ERC1: variants seen among roughly 807,000 people sequenced by gnomAD.
ERC1 encodes RAB6 interacting protein 2.
ERC1 carries 56 observed loss-of-function variants against 132.0 expected under a neutral mutation model. The observed-to-expected ratio is 0.42, with a 90% confidence interval of 0.34 to 0.53. ERC1 has a LOEUF of 0.53. ERC1 is among the 20% of genes least tolerant of loss of function. The pLI is 0.03. For synonymous variants in ERC1, 478 were observed against 476.1 expected (o/e 1.00, Z -0.05); for missense variants, 1,202 against 1,349.9 (o/e 0.89, Z 1.72).
intron 16 of ERC1, among the ~76,000 whole-genome samples, chr12:1,398,434 A>T (rs1220595922): frequency 1.8e-4 from 28 of 152,260 alleles, no homozygotes; most frequent in Admixed American, 5.2e-4. Context: ...AGAAAAAAAT[A>T]TAAAGTATAA....
intron 1 of ERC1, among the ~76,000 whole-genome samples, chr12:1,001,905 G>A (rs1462675001): frequency 7.2e-6 from 1 of 138,648 alleles, no homozygotes; most frequent in African/African-American, 2.8e-5. Context: ...CTGTTGCCCA[G>A]GCTGGAGTGC....
chr12:1,223,681 G>A (rs1476881255), intron 12 of ERC1, among the ~76,000 whole-genome samples: 7 of 152,190 alleles, frequency 4.6e-5, no homozygotes, highest in Non-Finnish European at 1.0e-4. Context: ...TGCTGGTGGA[G>A]AGAGTTAAAT....
At chr12:1,418,601 TTC>T (rs778422077) in intron 17 of ERC1, among the ~76,000 whole-genome samples, 2 of 41,576 alleles carry the variant, frequency 4.8e-5, no homozygotes, top group African/African-American at 2.2e-4. Context: ...CTTTCTTTCT[TTC>T]TTTCTTTCTT....
rs1488334317 is a variant in ERC1, at chr12:1,028,179, C to T, written c.276C>T (p.Gly92=). ...CACCTAAAAGCACCATGACACTTGG[C>T]CGTTCTGGGGGACGTCTGCCTTACG... The part of the protein sequence containing the change: ...SETPKSTMTL[G]RSGGRLPYGV... Residue 92 remains glycine, a synonymous_variant, in exon 2 of 19, where the codon GGC becomes GGT. Transcript: ENST00000360905. The T allele has an allele frequency of 6.2e-7, 1 of 1,614,186 alleles. No homozygotes were observed. Among genetic ancestry groups the T allele is most frequent in the East Asian group, 2.2e-5 (1 of 44,880 alleles).
intron 18 of ERC1, among the ~76,000 whole-genome samples, chr12:1,467,180 C>T (rs1041278434): frequency 2.0e-5 from 3 of 152,238 alleles, no homozygotes; most frequent in African/African-American, 7.2e-5. Context: ...CGGACACTAA[C>T]ATCTTATTGC....
At chr12:1,476,173 A>G (rs764152687) in intron 18 of ERC1, among the ~76,000 whole-genome samples, 44 of 151,558 alleles carry the variant, frequency 2.9e-4, no homozygotes, top group Non-Finnish European at 4.7e-4. Context: ...GGAGAATGGC[A>G]TGAACCCGGG....
chr12:1,020,907 A>G (rs1399070318), intron 1 of ERC1: 3 of 152,068 alleles, frequency 2.0e-5, no homozygotes, highest in Admixed American at 6.6e-5. Flanking sequence ...AACTACCACA[A>G]ATAATTGTCA....
At chr12:1,356,282 C>T (rs1466631662) in intron 15 of ERC1, among the ~76,000 whole-genome samples, 1 of 147,580 alleles carries the variant, frequency 6.8e-6, no homozygotes, top group African/African-American at 2.5e-5. Flanking sequence ...AAGAAGAGAT[C>T]CAGAGGTCAT....
At chr12:1,025,792 AAG>A (rs1491388380) in intron 1 of ERC1, among the ~76,000 whole-genome samples, 3 of 146,330 alleles carry the variant, frequency 2.1e-5, no homozygotes, top group Non-Finnish European at 1.5e-5. Flanking sequence ...TTAAAAAGGA[AAG>A]TTTTTTTTTT....
At chr12:1,429,503 A>G (rs1475573343) in intron 17 of ERC1, among the ~76,000 whole-genome samples, 1 of 152,180 alleles carries the variant, frequency 6.6e-6, no homozygotes, top group East Asian at 1.9e-4. Context: ...TGAAACTTTT[A>G]TTATTTTGGT....
At chr12:1,452,997 TTC>T (rs1325785311) in intron 18 of ERC1, among the ~76,000 whole-genome samples, 1 of 152,184 alleles carries the variant, frequency 6.6e-6, no homozygotes, top group East Asian at 1.9e-4. Context: ...TGTTTCATGC[TTC>T]TCTCTCAGCT....
At chr12:1,056,159 A>G (rs978833262) in intron 2 of ERC1, among the ~76,000 whole-genome samples, 1 of 151,730 alleles carries the variant, frequency 6.6e-6, no homozygotes, top group African/African-American at 2.4e-5. Flanking sequence ...GATTTTTCTC[A>G]GATTCATAGG....
chr12:1,117,582 C>T (rs1030492855), intron 7 of ERC1, among the ~76,000 whole-genome samples: 2 of 152,142 alleles, frequency 1.3e-5, no homozygotes, highest in African/African-American at 2.4e-5. Flanking sequence ...TCGCGTGATC[C>T]TGGGAACGTA....
At chr12:1,136,673 A>G (rs912900848) in intron 7 of ERC1, among the ~76,000 whole-genome samples, 1 of 152,226 alleles carries the variant, frequency 6.6e-6, no homozygotes, top group Non-Finnish European at 1.5e-5. Flanking sequence ...GCAAGGATTT[A>G]TGATCTACTA....
intron 15 of ERC1, among the ~76,000 whole-genome samples, chr12:1,307,511 C>T (rs1226403325): frequency 6.6e-6 from 1 of 152,192 alleles, no homozygotes; most frequent in Admixed American, 6.5e-5. Flanking sequence ...GCTTGTCCTA[C>T]TACTTTTAGC....
chr12:1,463,836 A>G (rs1592211675), intron 18 of ERC1, among the ~76,000 whole-genome samples: 1 of 152,002 alleles, frequency 6.6e-6, no homozygotes. Flanking sequence ...TAACTTTTTA[A>G]TGCGAAGACA....
chr12:1,357,636 A>T (rs1456958900), intron 15 of ERC1, among the ~76,000 whole-genome samples: 1 of 152,262 alleles, frequency 6.6e-6, no homozygotes, highest in Non-Finnish European at 1.5e-5. Flanking sequence ...TGAAGGGACT[A>T]CATCTTCATA....
At chr12:1,072,114 A>G (rs1050673614) in intron 2 of ERC1, among the ~76,000 whole-genome samples, 4 of 151,972 alleles carry the variant, frequency 2.6e-5, no homozygotes, top group African/African-American at 9.7e-5. Flanking sequence ...AAAAAAAACA[A>G]AAAAGTGTAA....
chr12:1,436,401 A>C (rs1319664865), intron 17 of ERC1, among the ~76,000 whole-genome samples: 1 of 152,154 alleles, frequency 6.6e-6, no homozygotes, highest in East Asian at 1.9e-4. Context: ...TGACATGTTC[A>C]CATCTTTATT....
Sources: gnomAD v4.1 joint callset for allele counts (sites outside exome capture counted in the v4.1 genomes callset) on GRCh38, gnomAD v4.1.1 for gene constraint, MANE v1.5 for transcripts, NCBI Gene and HGNC (gene_info 2026-07-23, HGNC 2026-07-21) for gene names.